Variants in ANGPT1 observed in about 807,000 individuals in gnomAD.
The protein encoded by ANGPT1 is angiopoietin-1.
In ANGPT1, 17 loss-of-function variants were observed where a neutral mutation model predicts 62.2. The ratio of observed to expected loss-of-function variants is 0.27; its 90% CI spans 0.19 to 0.41. ANGPT1 has a LOEUF of 0.41. ANGPT1 is among the 10% of genes least tolerant of loss of function. The pLI is 1.00. For missense variants in ANGPT1, 478 were observed against 594.9 expected, an observed-to-expected ratio of 0.80 and a Z score of 2.04; for synonymous variants, 199 against 198.9, an observed-to-expected ratio of 1.00 and a Z score of 0.00.
At position 107,414,596 on chromosome 8, in the gene ANGPT1, G is replaced by A. The variant is rs1810688275; in HGVS notation, c.298-67499C>T. On this transcript the variant is annotated intron_variant, in intron 1 of 8. Coordinates refer to ENST00000517746, the MANE Select transcript of ANGPT1 (RefSeq NM_001146.5). ...ATCAGCCCAGGTAAGAAAAAAATGAGGGTGATAATTCAGAGAAAGCAAGTA... is the reference window on the plus strand; with the variant it reads ...ATCAGCCCAGGTAAGAAAAAAATGAAGGTGATAATTCAGAGAAAGCAAGTA... Among the ~76,000 whole-genome samples the A allele has an allele frequency of 2.0e-5, 3 of 152,258 alleles. No homozygotes were observed. In the South Asian group the frequency reaches 6.2e-4, roughly 32 times the overall value.
intron 7 of ANGPT1, among the ~76,000 whole-genome samples, chr8:107,279,795 A>G (rs1813957251): frequency 6.6e-6 from 1 of 151,964 alleles, no homozygotes; most frequent in African/African-American, 2.4e-5. Context: ...AGAGAGCACA[A>G]GTTAAAGATA....
intron 1 of ANGPT1, among the ~76,000 whole-genome samples, chr8:107,495,164 T>C (rs1227445874): frequency 6.6e-6 from 1 of 152,208 alleles, no homozygotes; most frequent in Non-Finnish European, 1.5e-5. Flanking sequence ...ATTTTTTGGT[T>C]TCTTGATCCT....
At chr8:107,292,535 T>A (rs1358019600) in intron 6 of ANGPT1, among the ~76,000 whole-genome samples, 1 of 152,192 alleles carries the variant, frequency 6.6e-6, no homozygotes, top group Non-Finnish European at 1.5e-5. Flanking sequence ...GTATTTTTTA[T>A]CTAGGTGAAA....
intron 1 of ANGPT1, among the ~76,000 whole-genome samples, chr8:107,361,357 G>T (rs1332500373): frequency 1.3e-5 from 2 of 150,888 alleles, no homozygotes; most frequent in African/African-American, 2.4e-5. Flanking sequence ...AAATGTTTTG[G>T]TTGTTGAAAG....
intron 1 of ANGPT1, among the ~76,000 whole-genome samples, chr8:107,373,149 A>G (rs917455932): frequency 1.6e-4 from 24 of 152,300 alleles, no homozygotes; most frequent in Non-Finnish European, 3.4e-4. Context: ...ATAAGGTGCT[A>G]AAAATGACCT....
intron 3 of ANGPT1, among the ~76,000 whole-genome samples, chr8:107,333,397 G>T (rs567095034): frequency 6.6e-6 from 1 of 152,270 alleles, no homozygotes; most frequent in Admixed American, 6.5e-5. Flanking sequence ...GAATGGAAGT[G>T]TAAGATGCAT....
chr8:107,446,551 CTAGA>C (rs1222913343), intron 1 of ANGPT1, among the ~76,000 whole-genome samples: 1 of 152,092 alleles, frequency 6.6e-6, no homozygotes, highest in Non-Finnish European at 1.5e-5. Context: ...GAGGATTTTA[CTAGA>C]TAAAGTGGTA....
chr8:107,264,412 G>A, intron 7 of ANGPT1, 61 bp from the exon 8 acceptor site: 1 of 1,562,164 alleles, frequency 6.4e-7, no homozygotes, highest in African/African-American at 1.4e-5. Flanking sequence ...GAACCCAGAA[G>A]ACCAGCTTGT....
intron 1 of ANGPT1, among the ~76,000 whole-genome samples, chr8:107,409,476 C>A (rs1475909369): frequency 6.6e-6 from 1 of 152,148 alleles, no homozygotes; most frequent in Non-Finnish European, 1.5e-5. Context: ...GGCTCAGTGG[C>A]TCTGTTCTAG....
At chr8:107,435,647 T>C (rs538648417) in intron 1 of ANGPT1, among the ~76,000 whole-genome samples, 1 of 152,288 alleles carries the variant, frequency 6.6e-6, no homozygotes, top group East Asian at 1.9e-4. Flanking sequence ...AGGCAGGTAG[T>C]AAGGAAGTAA....
At position 107,417,226 on chromosome 8, in the gene ANGPT1, T is replaced by C. The variant is rs1373683022; in HGVS notation, c.298-70129A>G. On this transcript the variant is annotated intron_variant, in intron 1 of 8. Coordinates refer to ENST00000517746, the MANE Select transcript of ANGPT1 (RefSeq NM_001146.5). ...GATAAAAACCTATATGTATGTGACA[T>C]ATATATCATATCATAATATCATAGG... Among the ~76,000 whole-genome samples, 6 of 152,316 alleles carry C rather than the reference T, an allele frequency of 3.9e-5. No individual in the cohort carries two copies. The East Asian group carries it at 1.2e-3, about 29-fold the overall frequency.
intron 5 of ANGPT1, among the ~76,000 whole-genome samples, chr8:107,299,504 T>C (rs562402740): frequency 7.0e-6 from 1 of 141,880 alleles, no homozygotes; most frequent in South Asian, 2.2e-4. Flanking sequence ...CATATATATG[T>C]ACTAAGCATA....
chr8:107,327,054 T>C (rs1563570597), intron 3 of ANGPT1, among the ~76,000 whole-genome samples: 1 of 152,236 alleles, frequency 6.6e-6, no homozygotes, highest in East Asian at 1.9e-4. Flanking sequence ...CTCCATTTAG[T>C]TGTTCTGGGA....
In ANGPT1 at chr8:107,303,227, CT is replaced by C. The variant is rs536159061; in HGVS notation, c.936+12del. ...CTGGCTTACATCTTGTAAACAAACA[CT>C]TCTGGTTTTACCTTTTTGGGTTCTG... is the stretch of plus-strand genomic sequence containing the variant. On this transcript the variant is annotated intron_variant, in intron 5 of 8. Coordinates refer to ENST00000517746, the MANE Select transcript of ANGPT1 (RefSeq NM_001146.5). 649 of 1,608,560 alleles carry C rather than the reference CT, an allele frequency of 4.0e-4. 3 individuals carry two copies. In the African/African-American group the frequency reaches 7.9e-3, roughly 20 times the overall value.
chr8:107,321,923 G>C lies in ANGPT1; in HGVS notation c.781C>G (p.Leu261Val). The C allele has an allele frequency of 1.2e-6, 2 of 1,613,964 alleles. No homozygotes were observed. Among genetic ancestry groups the C allele is most frequent in the East Asian group, 2.2e-5 (1 of 44,866 alleles). Residue 261 changes from leucine (L) to valine (V), a missense_variant, in exon 4 of 9, where the codon CTT becomes GTT. This residue lies in a region of ANGPT1 where 343 missense variants were observed against 355.4 expected (regional missense o/e 0.97). Transcript: ENST00000517746. ...QLELMDTVHNLVNLCTKEGVL... is the reference protein window; with the variant it reads ...QLELMDTVHNVVNLCTKEGVL... ...CCTTCTTTAGTGCAAAGATTGACAA[G>C]GTTGTGGACTGTGTCCATCAGCTCC...
rs373235904 is a variant in ANGPT1 at position 107,441,762 on chromosome 8, C to T, written c.297+55500G>A. 2.0e-5 allele frequency among the ~76,000 whole-genome samples: 3 copies of T among 152,114 alleles called. No individual in the cohort carries two copies. The East Asian group carries it at 5.8e-4, about 29-fold the overall frequency. On this transcript the variant is annotated intron_variant, in intron 1 of 8. Transcript: ENST00000517746. ...GTGTGGCTCTTATCTAACCCACACC[C>T]CTAATAGAAGTCAGGTCTTTGCAGA...
chr8:107,302,002 C>CT (rs1168028054), intron 5 of ANGPT1, among the ~76,000 whole-genome samples: 1 of 151,892 alleles, frequency 6.6e-6, no homozygotes, highest in African/African-American at 2.4e-5. Flanking sequence ...ATCAGGAAGA[C>CT]TAAGTAAGTT....
chr8:107,493,991 A>G (rs1317060495), intron 1 of ANGPT1, among the ~76,000 whole-genome samples: 1 of 150,500 alleles, frequency 6.6e-6, no homozygotes, highest in Non-Finnish European at 1.5e-5. Flanking sequence ...ATTTCTTAAA[A>G]TATTCTGGAT....
chr8:107,336,117 A>C (rs772052460), intron 3 of ANGPT1, 33 bp downstream of exon 3: 3 of 1,576,204 alleles, frequency 1.9e-6, no homozygotes, highest in Non-Finnish European at 2.6e-6. Flanking sequence ...ATAAGTACAC[A>C]CAGAAACATT....
Sources: gnomAD v4.1 joint callset for allele counts (sites outside exome capture counted in the v4.1 genomes callset) on GRCh38, gnomAD v4.1.1 for gene constraint, gnomAD v4.1.1 regional missense constraint, MANE v1.5 for transcripts, NCBI Gene and HGNC (gene_info 2026-07-23, HGNC 2026-07-21) for gene names.